Variants in CLIP2 observed in about 807,000 individuals in gnomAD.
The protein encoded by CLIP2 is CAP-Gly domain-containing linker protein 2.
Under a neutral mutation model 111.7 loss-of-function variants are expected in CLIP2, and 41 were observed. The observed-to-expected ratio is 0.37, with a 90% CI of 0.29 to 0.48. The LOEUF is 0.48. CLIP2 is among the 20% of genes least tolerant of loss of function. The pLI, the probability that CLIP2 is intolerant of heterozygous loss-of-function variation, is 0.99. For missense variants in CLIP2, 1,160 were observed against 1,422.1 expected (o/e 0.82, Z 2.96); for synonymous variants, 660 against 644.2 (o/e 1.02, Z -0.37).
chr7:74,391,799 A>T (rs1402145535), intron 13 of CLIP2, among the ~76,000 whole-genome samples: 1 of 151,812 alleles, frequency 6.6e-6, no homozygotes, highest in Non-Finnish European at 1.5e-5. Context: ...CAGCCTGGGC[A>T]ATAGAGTGAG....
rs782763981 is a variant in CLIP2 at position 74,397,065 on chromosome 7, C to G, written c.2721-9C>G. ...GAGTGCAGTGGTTCTGTGCCCGCCTCACCCCCAGGAGCCTGAACGAACTGC... is the reference window on the plus strand; with the variant it reads ...GAGTGCAGTGGTTCTGTGCCCGCCTGACCCCCAGGAGCCTGAACGAACTGC... On this transcript the variant is annotated splice_polypyrimidine_tract_variant and intron_variant, in intron 13 of 16. Transcript: ENST00000223398. 6.3e-5 allele frequency: 101 copies of G among 1,612,840 alleles called. No individual in the cohort carries two copies. In the Admixed American group the frequency reaches 1.6e-3, roughly 26 times the overall value.
At chr7:74,391,397 A>C (rs1791289481) in intron 13 of CLIP2, among the ~76,000 whole-genome samples, 1 of 152,198 alleles carries the variant, frequency 6.6e-6, no homozygotes, top group East Asian at 1.9e-4. Context: ...AGATCCCTTG[A>C]AAAGGTTTTA....
chr7:74,364,751 G>A (rs374787777), intron 8 of CLIP2: 1 of 404,448 alleles, frequency 2.5e-6, no homozygotes, highest in Non-Finnish European at 5.0e-6. Context: ...AGCTGGGTAT[G>A]GTGGCTCACA....
intron 1 of CLIP2, among the ~76,000 whole-genome samples, chr7:74,307,809 T>C (rs946956339): frequency 2.0e-5 from 3 of 152,174 alleles, no homozygotes; most frequent in Non-Finnish European, 4.4e-5. Context: ...TTCTTCATAC[T>C]GGAGGCTGCT....
At chr7:74,303,970 G>A (rs1458748226) in intron 1 of CLIP2, among the ~76,000 whole-genome samples, 3 of 151,574 alleles carry the variant, frequency 2.0e-5, no homozygotes, top group Middle Eastern at 3.5e-3. Context: ...TCAGTGGCAG[G>A]ATCACAGATC....
At chr7:74,370,958 C>T (rs1790599563) in intron 8 of CLIP2, among the ~76,000 whole-genome samples, 2 of 151,868 alleles carry the variant, frequency 1.3e-5, no homozygotes, top group Non-Finnish European at 1.5e-5. Flanking sequence ...AATATAAACC[C>T]GTTGAGGGGC....
chr7:74,307,360 G>A (rs1788522079), intron 1 of CLIP2, among the ~76,000 whole-genome samples: 1 of 152,216 alleles, frequency 6.6e-6, no homozygotes, highest in Non-Finnish European at 1.5e-5. Flanking sequence ...TTAGCAGTGT[G>A]TGACTTTGAG....
At position 74,353,753 on chromosome 7, in the gene CLIP2, C is replaced by A. The variant is rs1437520405; in HGVS notation, c.679-127C>A. ...TCATCCTTAGGTGTCTCTCCCTCCC[C>A]ACTCCTGGCTCCCGTGTCCTCTGCA... is the stretch of plus-strand genomic sequence containing the variant. On this transcript the variant is annotated intron_variant, in intron 3 of 16. Transcript: ENST00000223398. 6 of 1,296,904 alleles carry A rather than the reference C, an allele frequency of 4.6e-6. No homozygotes were observed. In the East Asian group the frequency reaches 1.2e-4, roughly 25 times the overall value. The allele number at this position is 1,296,904 out of a possible 1,614,324, so 80.3% of individuals were successfully genotyped here. A position where few individuals can be genotyped will look rare whatever the true frequency, so the allele number is the denominator to read the frequency against.
chr7:74,381,543 A>T (rs967331615), intron 11 of CLIP2: 14 of 452,794 alleles, frequency 3.1e-5, no homozygotes, highest in Non-Finnish European at 5.8e-5. Flanking sequence ...CATATGGCAA[A>T]CTAACTCTTC....
In CLIP2 at chr7:74,403,833, C is replaced by T. The variant is rs1033115566; in HGVS notation, c.3130-4C>T. Reference sequence around the variant, plus strand: ...TTGCTGATGATGCCCTTTACTCTCTCTAGGACAAGCACTGATCCTGAGGGG... The same window carrying T: ...TTGCTGATGATGCCCTTTACTCTCTTTAGGACAAGCACTGATCCTGAGGGG... On this transcript the variant is annotated splice_region_variant and splice_polypyrimidine_tract_variant and intron_variant, in intron 16 of 16. Transcript: ENST00000223398. The T allele has an allele frequency of 6.2e-7, 1 of 1,613,358 alleles. No homozygotes were observed. The highest frequency in any genetic ancestry group is 8.5e-7 in the Non-Finnish European group (1 of 1,179,844).
At chr7:74,324,371 C>G (rs1789055821) in intron 2 of CLIP2, among the ~76,000 whole-genome samples, 1 of 152,182 alleles carries the variant, frequency 6.6e-6, no homozygotes, top group South Asian at 2.1e-4. Context: ...CCTCCCTGTG[C>G]TACTGTGATA....
intron 4 of CLIP2, among the ~76,000 whole-genome samples, chr7:74,355,778 G>C (rs1554308369): frequency 3.3e-5 from 5 of 152,228 alleles, no homozygotes. Context: ...TCAGAATTCA[G>C]GGGTGGGTTG....
chr7:74,372,956 C>T lies in CLIP2; in HGVS notation c.1405C>T (p.Arg469Cys), dbSNP rs1209030769. ...GACCCAGACGCAGCTGGAGCACGCGCGCATTGGGGAGCTGGAACAGAGCCT... is the reference window on the plus strand; with the variant it reads ...GACCCAGACGCAGCTGGAGCACGCGTGCATTGGGGAGCTGGAACAGAGCCT... ...LETQTQLEHA[R>C]IGELEQSLLL... The change falls in exon 9 of 17, where the codon CGC (arginine) becomes TGC (cysteine). Residue 469 changes from arginine to cysteine, a missense_variant. Physicochemically the swap from Arg to Cys is radical, Grantham distance 180. This residue lies in a region of CLIP2 where 676 missense variants were observed against 777.8 expected (regional missense o/e 0.87). Transcript: ENST00000223398. 4.4e-6 allele frequency: 7 copies of T among 1,593,278 alleles called. No individual in the cohort carries two copies. The highest frequency in any genetic ancestry group is 2.3e-5 in the East Asian group (1 of 44,066).
chr7:74,299,728 C>T (rs559166144), intron 1 of CLIP2, among the ~76,000 whole-genome samples: 3 of 151,014 alleles, frequency 2.0e-5, no homozygotes, highest in East Asian at 3.9e-4. Context: ...GACGGAGTTT[C>T]GCTCTTGTTG....
intron 1 of CLIP2, among the ~76,000 whole-genome samples, chr7:74,308,295 C>T (rs1289753478): frequency 2.0e-5 from 3 of 152,084 alleles, no homozygotes; most frequent in Non-Finnish European, 4.4e-5. Context: ...GGTTCTCACG[C>T]CTGATCTCTG....
At chr7:74,343,621 G>A (rs782071927) in intron 3 of CLIP2, among the ~76,000 whole-genome samples, 3 of 151,910 alleles carry the variant, frequency 2.0e-5, no homozygotes, top group Non-Finnish European at 2.9e-5. Flanking sequence ...AGCCGGGCAC[G>A]GTGGCTCGTG....
intron 12 of CLIP2, among the ~76,000 whole-genome samples, chr7:74,386,915 C>T (rs188028828): frequency 2.1e-4 from 31 of 150,472 alleles, no homozygotes; most frequent in Admixed American, 1.4e-3. Flanking sequence ...CCCAGCTACT[C>T]GGGAGGCTGA....
At chr7:74,388,370 G>A (rs1442427873) in intron 12 of CLIP2, among the ~76,000 whole-genome samples, 2 of 151,786 alleles carry the variant, frequency 1.3e-5, no homozygotes, top group South Asian at 2.1e-4. Flanking sequence ...CATGGTGGTG[G>A]GCACCTGTAA....
intron 8 of CLIP2, among the ~76,000 whole-genome samples, chr7:74,365,818 C>G (rs151240895): frequency 0.01 from 1,576 of 152,124 alleles, 26 homozygotes; most frequent in African/African-American, 0.036. Context: ...ACAGTGGCAC[C>G]ATCTGGGCTC....
Sources: allele counts gnomAD v4.1 joint callset (sites outside exome capture counted in the v4.1 genomes callset), GRCh38; gene constraint gnomAD v4.1.1; regional missense constraint gnomAD v4.1.1; transcripts MANE v1.5; gene names NCBI Gene and HGNC (gene_info 2026-07-23, HGNC 2026-07-21).